PKP4: variants seen among roughly 807,000 people sequenced by gnomAD.
PKP4 encodes the protein plakophilin 4, also known as plakophilin-4.
Under a neutral mutation model 145.1 loss-of-function variants are expected in PKP4, and 90 were observed. That is an observed-to-expected ratio of 0.62 (90% confidence interval 0.52 to 0.74). The LOEUF (loss-of-function observed/expected upper bound fraction) is 0.74. Ranked by LOEUF, PKP4 falls within the 30% of genes least tolerant of loss-of-function variation. The probability of loss-of-function intolerance (pLI) is 0.00; values close to 1 mark genes in which losing one functional copy is unlikely to be tolerated. For synonymous variants in PKP4, 563 were observed against 577.2 expected, an observed-to-expected ratio of 0.98 and a Z score of 0.35; for missense variants, 1,340 against 1,482.7, an observed-to-expected ratio of 0.90 and a Z score of 1.58.
chr2:158,570,241 A>C (rs1470839039), intron 2 of PKP4, among the ~76,000 whole-genome samples: 1 of 152,246 alleles, frequency 6.6e-6, no homozygotes, highest in Non-Finnish European at 1.5e-5. Context: ...CCTAGGTTAC[A>C]GGACAATATT....
At chr2:158,589,753 G>T (rs1311362631) in intron 3 of PKP4, among the ~76,000 whole-genome samples, 1 of 152,130 alleles carries the variant, frequency 6.6e-6, no homozygotes, top group East Asian at 1.9e-4. Context: ...AAGGTTGGTA[G>T]TAAACTCTCA....
intron 6 of PKP4, among the ~76,000 whole-genome samples, chr2:158,623,942 A>G (rs2052511510): frequency 6.6e-6 from 1 of 152,036 alleles, no homozygotes; most frequent in African/African-American, 2.4e-5. Flanking sequence ...TTATTGTTGC[A>G]CAGCATGAAA....
chr2:158,618,144 C>A (rs1226965833), intron 4 of PKP4, among the ~76,000 whole-genome samples: 1 of 152,190 alleles, frequency 6.6e-6, no homozygotes, highest in Non-Finnish European at 1.5e-5. Context: ...GATCATGCCA[C>A]TGCATTCCAG....
At chr2:158,604,620 G>A (rs150766374) in intron 4 of PKP4, among the ~76,000 whole-genome samples, 510 of 152,186 alleles carry the variant, frequency 3.4e-3, no homozygotes, top group Middle Eastern at 6.8e-3. Flanking sequence ...TTGCGTTTGG[G>A]AGGATGGTAC....
In PKP4 at chr2:158,680,935, G is replaced by C. The variant is rs1021274203; in HGVS notation, c.*258G>C. 3 of 361,546 alleles carry C rather than the reference G, an allele frequency of 8.3e-6. No homozygotes were observed. Among genetic ancestry groups the C allele is most frequent in the African/African-American group, 6.2e-5 (3 of 48,104 alleles). 22.4% of individuals were successfully genotyped at this position (361,546 alleles called of 1,614,324 possible). A position where few individuals can be genotyped will look rare whatever the true frequency, so the allele number is the denominator to read the frequency against. On this transcript the variant is annotated 3_prime_UTR_variant, in exon 22 of 22. Coordinates refer to ENST00000389759, the MANE Select transcript of PKP4 (RefSeq NM_003628.6). ...CTGGTGAAGGTGTGGGTGACGTGAT[G>C]AGAGGTTTGAGAAATGGGTGAAATG...
chr2:158,621,497 G>A (rs1374275968), intron 6 of PKP4, 76 bp downstream of exon 6: 2 of 1,302,978 alleles, frequency 1.5e-6, no homozygotes, highest in East Asian at 2.5e-5. Context: ...TGTAATCCCA[G>A]CATTTTGGGA....
Position 158,625,235 on chromosome 2 carries a change from G to T in PKP4, c.961G>T (p.Ala321Ser). The T allele has an allele frequency of 6.2e-7, 1 of 1,614,168 alleles. No homozygotes were observed. Among genetic ancestry groups the T allele is most frequent in the Non-Finnish European group, 8.5e-7 (1 of 1,180,030 alleles). ...RVGSPLTLTDAQTRVASPSQG... is the reference protein window; with the variant it reads ...RVGSPLTLTDSQTRVASPSQG... ...GGGGTCCCCACTGACCCTGACGGAT[G>T]CACAGACTCGAGTAGCTTCCCCATC... Residue 321 changes from alanine to serine, a missense_variant, in exon 7 of 22, where the codon GCA becomes TCA. Transcript: ENST00000389759.
intron 1 of PKP4, among the ~76,000 whole-genome samples, chr2:158,459,172 G>A (rs1689375228): frequency 6.6e-6 from 1 of 152,260 alleles, no homozygotes; most frequent in Non-Finnish European, 1.5e-5. Flanking sequence ...GAGTATCTTC[G>A]TTTTGGTGCC....
At chr2:158,580,358 T>C (rs540871573) in intron 3 of PKP4, among the ~76,000 whole-genome samples, 1 of 152,150 alleles carries the variant, frequency 6.6e-6, no homozygotes, top group African/African-American at 2.4e-5. Context: ...GTCGGGTGAA[T>C]GAATGGGTCA....
At chr2:158,503,965 CTTTTTTTT>C (rs59715903) in intron 1 of PKP4, among the ~76,000 whole-genome samples, 1 of 86,898 alleles carries the variant, frequency 1.2e-5, no homozygotes, top group Non-Finnish European at 2.3e-5. Context: ...TAAATTCTGG[CTTTTTTTT>C]TTTTTTTTTT....
chr2:158,534,791 T>C (rs1253486597), intron 2 of PKP4, among the ~76,000 whole-genome samples: 1 of 152,234 alleles, frequency 6.6e-6, no homozygotes, highest in Non-Finnish European at 1.5e-5. Context: ...AATTCCTTGA[T>C]GGCCTCAAAT....
At chr2:158,545,813 G>T (rs1243060997) in intron 2 of PKP4, among the ~76,000 whole-genome samples, 1 of 152,102 alleles carries the variant, frequency 6.6e-6, no homozygotes, top group Non-Finnish European at 1.5e-5. Flanking sequence ...TAAATGCCAA[G>T]AATTATGATT....
At chr2:158,562,866 C>T (rs749664992) in intron 2 of PKP4, among the ~76,000 whole-genome samples, 18 of 152,050 alleles carry the variant, frequency 1.2e-4, no homozygotes, top group Non-Finnish European at 2.6e-4. Context: ...ATTTTCAAAG[C>T]ATATTTATAT....
intron 1 of PKP4, among the ~76,000 whole-genome samples, chr2:158,478,649 C>A (rs976874704): frequency 1.3e-5 from 2 of 152,202 alleles, no homozygotes; most frequent in African/African-American, 4.8e-5. Context: ...GAATTATCCA[C>A]ATAGTATTTT....
At chr2:158,486,189 A>G (rs2105450047) in intron 1 of PKP4, among the ~76,000 whole-genome samples, 1 of 152,300 alleles carries the variant, frequency 6.6e-6, no homozygotes, top group East Asian at 1.9e-4. Flanking sequence ...CTATAATTAA[A>G]CTAGTTGTTT....
intron 11 of PKP4, among the ~76,000 whole-genome samples, chr2:158,645,953 C>CA (rs1337804348): frequency 6.6e-6 from 1 of 152,198 alleles, no homozygotes; most frequent in Non-Finnish European, 1.5e-5. Context: ...ACCTGGAGCA[C>CA]ACTCTGGAAT....
At chr2:158,460,669 A>G (rs950950552) in intron 1 of PKP4, among the ~76,000 whole-genome samples, 2 of 152,220 alleles carry the variant, frequency 1.3e-5, no homozygotes, top group African/African-American at 4.8e-5. Context: ...TAATTCTAAA[A>G]TGGACATCAT....
intron 2 of PKP4, among the ~76,000 whole-genome samples, chr2:158,556,312 A>G (rs1367738431): frequency 1.3e-5 from 2 of 152,220 alleles, no homozygotes; most frequent in Non-Finnish European, 2.9e-5. Context: ...TGTAATCAAG[A>G]GTGTGAAGAG....
rs1247242781 is a variant in PKP4, at chr2:158,640,684, G to C, written c.1620G>C (p.Gln540His). The change falls in exon 10 of 22, where the codon CAG becomes CAC. Residue 540 changes from glutamine to histidine, a missense_variant. Transcript: ENST00000389759. ...LPEVIHMLQH[Q>H]FPSVQANAAA... ...AGGTCATTCACATGCTTCAGCACCA[G>C]TTCCCATCTGTTCAGGCAAATGCAG... 1.4e-5 allele frequency: 22 copies of C among 1,613,936 alleles called. No individual in the cohort carries two copies. Among genetic ancestry groups the C allele is most frequent in the Middle Eastern group, 1.7e-4 (1 of 6,056 alleles).
Sources: allele counts gnomAD v4.1 joint callset (sites outside exome capture counted in the v4.1 genomes callset), GRCh38; gene constraint gnomAD v4.1.1; transcripts MANE v1.5; gene names NCBI Gene and HGNC (gene_info 2026-07-23, HGNC 2026-07-21).